Variants in CAMTA1 observed in about 807,000 individuals in gnomAD.
CAMTA1 encodes calmodulin binding transcription activator 1.
A neutral mutation model predicts 170.9 loss-of-function variants in CAMTA1; 27 were observed. The ratio of observed to expected loss-of-function variants is 0.16; its 90% CI spans 0.12 to 0.22. CAMTA1 has a LOEUF of 0.22. Among genes scored for constraint, CAMTA1 ranks in the 10% least tolerant of loss-of-function variants. The pLI is 1.00. For synonymous variants in CAMTA1, 833 were observed against 891.5 expected (o/e 0.93, Z 1.17); for missense variants, 1,619 against 2,217.2 (o/e 0.73, Z 5.42).
At chr1:7,430,240 T>C (rs1426311323) in intron 5 of CAMTA1, among the ~76,000 whole-genome samples, 1 of 151,578 alleles carries the variant, frequency 6.6e-6, no homozygotes, top group East Asian at 1.9e-4. Context: ...ATGATGATGG[T>C]GGTGAATCTG....
rs2095689064 is a variant in CAMTA1 at position 7,633,814 on chromosome 1, G to C, written c.511-6586G>C. Among the ~76,000 whole-genome samples the C allele has an allele frequency of 6.6e-6, 1 of 152,270 alleles. No individual in the cohort carries two copies. On this transcript the variant is annotated intron_variant, in intron 6 of 22. Transcript: ENST00000303635. This position sits in a 1 kb window ranked among gnomAD's most constrained non-coding sequence, Gnocchi z 4.1. ...CGAGTAGTAATTGAGCGGAAACTGAGAGATTAGTGCTGCAAAGACAGCGAG... is the reference window on the plus strand; with the variant it reads ...CGAGTAGTAATTGAGCGGAAACTGACAGATTAGTGCTGCAAAGACAGCGAG...
chr1:6,936,693 T>C (rs1685361123), intron 3 of CAMTA1, among the ~76,000 whole-genome samples: 2 of 152,128 alleles, frequency 1.3e-5, no homozygotes, highest in Admixed American at 1.3e-4. Context: ...GAAGTTACTA[T>C]AAACCAGAGA....
chr1:7,107,809 G>A (rs532025789), intron 4 of CAMTA1, among the ~76,000 whole-genome samples: 6 of 152,272 alleles, frequency 3.9e-5, no homozygotes, highest in African/African-American at 1.4e-4. Context: ...TCCAAGCAGG[G>A]ACTCCAGCCC....
chr1:7,485,154 C>T (rs1402577052), intron 6 of CAMTA1, among the ~76,000 whole-genome samples: 3 of 152,226 alleles, frequency 2.0e-5, no homozygotes, highest in South Asian at 4.1e-4. Flanking sequence ...CCCAGTCCCC[C>T]ACCCTTTCCT....
chr1:7,512,076 T>C (rs2094208666), intron 6 of CAMTA1, among the ~76,000 whole-genome samples: 2 of 152,202 alleles, frequency 1.3e-5, no homozygotes, highest in South Asian at 4.1e-4. Context: ...ACTGAGGCCT[T>C]TCCTTGGGAG....
At chr1:7,442,046 G>A (rs777490525) in intron 5 of CAMTA1, among the ~76,000 whole-genome samples, 24 of 152,204 alleles carry the variant, frequency 1.6e-4, no homozygotes, top group Admixed American at 6.5e-4. Context: ...CTTCCCCAGC[G>A]CTGTCCTCAG....
At chr1:7,145,321 G>C (rs1047380936) in intron 4 of CAMTA1, among the ~76,000 whole-genome samples, 1 of 152,210 alleles carries the variant, frequency 6.6e-6, no homozygotes. Flanking sequence ...TGGGCTGCCA[G>C]CTTATTCATC....
rs149607406 is a variant in CAMTA1 at position 7,547,451 on chromosome 1, A to G, written c.510+79550A>G. ...TGGATTCAACCAACAACGGGCCAAA[A>G]ATATCCAGGAAAAAAATTGCATTTG... is the stretch of plus-strand genomic sequence containing the variant. On this transcript the variant is annotated intron_variant, in intron 6 of 22. Transcript: ENST00000303635. The surrounding 1 kb of genome is among the most constrained non-coding windows in gnomAD (Gnocchi z 5.7). Among the ~76,000 whole-genome samples the G allele has an allele frequency of 6.5e-3, 988 of 152,192 alleles. 17 individuals carry two copies. Among genetic ancestry groups the G allele is most frequent in the African/African-American group, 0.023 (953 of 41,498 alleles).
intron 4 of CAMTA1, among the ~76,000 whole-genome samples, chr1:7,228,324 C>T (rs6689453): frequency 0.48 from 73,698 of 152,100 alleles, 19,508 homozygotes; most frequent in South Asian, 0.62. Flanking sequence ...CGGACTCAGC[C>T]GGGCATGGTG....
chr1:7,768,172 G>A lies in CAMTA1; in HGVS notation c.*1681G>A, dbSNP rs932405213. ...AGTATGAAAAGTAGAAAAATGTCAC[G>A]TTTCCATATCTCCTGCTGGAAATCA... On this transcript the variant is annotated 3_prime_UTR_variant, in exon 23 of 23. Coordinates refer to ENST00000303635, the MANE Select transcript of CAMTA1 (RefSeq NM_015215.4). 5.4e-5 allele frequency: 8 copies of A among 148,334 alleles called. No homozygotes were observed. Among genetic ancestry groups the A allele is most frequent in the South Asian group, 4.2e-4 (2 of 4,710 alleles). 9.2% of individuals were successfully genotyped at this position (148,334 alleles called of 1,614,324 possible). A position where few individuals can be genotyped will look rare whatever the true frequency, so the allele number is the denominator to read the frequency against.
chr1:7,406,906 T>C (rs938658769), intron 5 of CAMTA1, among the ~76,000 whole-genome samples: 1 of 152,040 alleles, frequency 6.6e-6, no homozygotes, highest in African/African-American at 2.4e-5. Flanking sequence ...CATAAACCAC[T>C]CCTAAGACAC....
chr1:6,964,457 G>T (rs1691165668), intron 3 of CAMTA1, among the ~76,000 whole-genome samples: 3 of 152,174 alleles, frequency 2.0e-5, no homozygotes, highest in African/African-American at 4.8e-5. Flanking sequence ...GAAGAACTGT[G>T]CCTAGGTCCC....
At chr1:7,696,179 TTTTTG>T (rs2096373536) in intron 11 of CAMTA1, among the ~76,000 whole-genome samples, 1 of 113,298 alleles carries the variant, frequency 8.8e-6, no homozygotes, top group African/African-American at 3.5e-5. Flanking sequence ...GATCTCTAAG[TTTTTG>T]TTTTGTTGTT....
At chr1:6,834,005 C>T (rs1651706430) in intron 3 of CAMTA1, among the ~76,000 whole-genome samples, 1 of 152,142 alleles carries the variant, frequency 6.6e-6, no homozygotes, top group African/African-American at 2.4e-5. Context: ...GGCACTTAAC[C>T]TACTTGGCCT....
At chr1:7,605,338 C>T (rs972623574) in intron 6 of CAMTA1, among the ~76,000 whole-genome samples, 6 of 152,244 alleles carry the variant, frequency 3.9e-5, no homozygotes, top group Admixed American at 2.6e-4. Flanking sequence ...CCACTGAGTT[C>T]GAGCTTCCCA....
chr1:7,654,674 ACACT>A (rs2095869291), intron 7 of CAMTA1, among the ~76,000 whole-genome samples: 1 of 148,418 alleles, frequency 6.7e-6, no homozygotes, highest in African/African-American at 2.5e-5. Context: ...ACCTATACAC[ACACT>A]CCATGCACAC....
intron 6 of CAMTA1, among the ~76,000 whole-genome samples, chr1:7,579,301 C>A (rs77374138): frequency 6.6e-6 from 1 of 152,150 alleles, no homozygotes; most frequent in Non-Finnish European, 1.5e-5. Flanking sequence ...GCCAGCCTGG[C>A]GAGGCTTCCA....
intron 3 of CAMTA1, among the ~76,000 whole-genome samples, chr1:6,840,092 C>T (rs1037386794): frequency 1.9e-4 from 29 of 151,782 alleles, no homozygotes; most frequent in African/African-American, 6.1e-4. Flanking sequence ...CCCAGCTACT[C>T]GGAGGCTGAG....
At position 7,737,358 on chromosome 1, in the gene CAMTA1, G is replaced by T. The variant is rs775799237; in HGVS notation, c.3446G>T (p.Gly1149Val). The stretch of plus-strand genomic sequence containing the variant: ...GACTCTCTAGGAAGGCTGCCTTTGG[G>T]AATTGCCAGGTCACGGGGTCATGTG... The part of the protein sequence containing the change: ...IPDSLGRLPL[G>V]IARSRGHVKL... The change falls in exon 15 of 23, where the codon GGA (glycine) becomes GTA (valine). Residue 1149 changes from glycine (G) to valine (V), a missense_variant. By Grantham distance (109) the Gly-to-Val change is moderately radical. Coordinates refer to ENST00000303635, the MANE Select transcript of CAMTA1 (RefSeq NM_015215.4). The T allele has an allele frequency of 6.2e-7, 1 of 1,614,240 alleles. No homozygotes were observed. The highest frequency in any genetic ancestry group is 1.1e-5 in the South Asian group (1 of 91,086).
Sources: allele counts gnomAD v4.1 joint callset (sites outside exome capture counted in the v4.1 genomes callset), GRCh38; gene constraint gnomAD v4.1.1; non-coding constraint Gnocchi (gnomAD v3.1); transcripts MANE v1.5; gene names NCBI Gene and HGNC (gene_info 2026-07-23, HGNC 2026-07-21).